Variants in LYST observed in about 807,000 individuals in gnomAD.
LYST encodes the protein lysosomal-trafficking regulator.
A neutral mutation model predicts 413.6 loss-of-function variants in LYST; 192 were observed. The ratio of observed to expected loss-of-function variants is 0.46; its 90% CI spans 0.41 to 0.52. The LOEUF is 0.52. Among genes scored for constraint, LYST ranks in the 20% least tolerant of loss-of-function variants. LYST has a pLI of 0.00. For missense variants in LYST, 3,815 were observed against 4,499.9 expected, an observed-to-expected ratio of 0.85 and a Z score of 4.35; for synonymous variants, 1,525 against 1,567.3, an observed-to-expected ratio of 0.97 and a Z score of 0.64.
chr1:235,709,181 C>T lies in LYST; in HGVS notation c.10053G>A (p.Ser3351=), dbSNP rs146872810. ...AGTCAATCCACTGACAGATGTTCTG[C>T]GACACGTAGTCAGACTCTAGAGCCT... The part of the protein sequence containing the change: ...HRQALESDYV[S]QNICQWIDLV... The change falls in exon 44 of 53, where the codon TCG becomes TCA. Residue 3351 remains serine, a synonymous_variant. Coordinates refer to ENST00000389793, the MANE Select transcript of LYST (RefSeq NM_000081.4). The T allele has an allele frequency of 4.0e-5, 65 of 1,613,982 alleles. No individual in the cohort carries two copies. The African/African-American group carries it at 7.2e-4, about 18-fold the overall frequency.
chr1:235,822,078 G>C (rs1674807300), intron 3 of LYST, among the ~76,000 whole-genome samples: 1 of 152,156 alleles, frequency 6.6e-6, no homozygotes. Flanking sequence ...AAGAAAGTTG[G>C]TTATTAAAAA....
At chr1:235,717,825 C>A (rs1409782793) in intron 40 of LYST, among the ~76,000 whole-genome samples, 1 of 151,678 alleles carries the variant, frequency 6.6e-6, no homozygotes, top group Non-Finnish European at 1.5e-5. Flanking sequence ...AAAGCAAAAA[C>A]AATTTATAGA....
At chr1:235,679,676 T>G (rs1659658028) in intron 48 of LYST, among the ~76,000 whole-genome samples, 1 of 152,082 alleles carries the variant, frequency 6.6e-6, no homozygotes, top group South Asian at 2.1e-4. Flanking sequence ...GGGGCCACCT[T>G]AACGCAAAGT....
intron 10 of LYST, among the ~76,000 whole-genome samples, chr1:235,795,314 G>A (rs1671442183): frequency 6.6e-6 from 1 of 152,170 alleles, no homozygotes; most frequent in African/African-American, 2.4e-5. Context: ...GGTGTATACA[G>A]GCTTTTAGCA....
At chr1:235,663,140 G>T in intron 52 of LYST, 62 bp from the exon 53 acceptor site, 1 of 1,153,174 alleles carries the variant, frequency 8.7e-7, no homozygotes, top group Non-Finnish European at 1.3e-6. Flanking sequence ...TTAGCATATT[G>T]GTCATCATAC....
At chr1:235,685,982 C>T (rs967436269) in intron 48 of LYST, among the ~76,000 whole-genome samples, 2 of 152,090 alleles carry the variant, frequency 1.3e-5, no homozygotes, top group Admixed American at 6.5e-5. Flanking sequence ...AAAAAATGCA[C>T]AGTGAAAATT....
In LYST at chr1:235,851,838, A is replaced by C. The variant is rs114419612; in HGVS notation, c.-98+15005T>G. Among the ~76,000 whole-genome samples the C allele has an allele frequency of 2.6e-3, 403 of 152,260 alleles. 2 individuals carry two copies. The highest frequency in any genetic ancestry group is 9.0e-3 in the African/African-American group (374 of 41,554). On this transcript the variant is annotated intron_variant, in intron 1 of 52. Coordinates refer to ENST00000389793, the MANE Select transcript of LYST (RefSeq NM_000081.4). Reference sequence around the variant, plus strand: ...AGATCAGGGAAAGATATGACACTTAAAGTTCTAAATTAAATAACTGAATAA... The same window carrying C: ...AGATCAGGGAAAGATATGACACTTACAGTTCTAAATTAAATAACTGAATAA...
At chr1:235,731,786 A>G (rs1187107628) in intron 34 of LYST, among the ~76,000 whole-genome samples, 1 of 151,904 alleles carries the variant, frequency 6.6e-6, no homozygotes, top group African/African-American at 2.4e-5. Flanking sequence ...TCAAACTCCT[A>G]GCCTCAAGTG....
At chr1:235,749,260 T>C (rs1413984460) in intron 28 of LYST, among the ~76,000 whole-genome samples, 1 of 152,156 alleles carries the variant, frequency 6.6e-6, no homozygotes, top group African/African-American at 2.4e-5. Context: ...TAAGTAATAG[T>C]GGAGAAATAA....
intron 1 of LYST, among the ~76,000 whole-genome samples, chr1:235,860,607 GC>G (rs1396560261): frequency 6.6e-6 from 1 of 152,052 alleles, no homozygotes; most frequent in Non-Finnish European, 1.5e-5. Flanking sequence ...TTTTCAGTTT[GC>G]CTTTTTTCAC....
chr1:235,689,022 A>G (rs1660438313), intron 47 of LYST, among the ~76,000 whole-genome samples: 1 of 141,574 alleles, frequency 7.1e-6, no homozygotes, highest in African/African-American at 2.7e-5. Context: ...AATAATAATA[A>G]TAATAACAAC....
At chr1:235,879,741 T>TTA (rs1681296959) in intron 1 of LYST, among the ~76,000 whole-genome samples, 1 of 34,222 alleles carries the variant, frequency 2.9e-5, no homozygotes, top group African/African-American at 1.4e-4. Flanking sequence ...TCTTTCTTTC[T>TTA]TTTTTTTTTT....
chr1:235,705,783 C>T (rs767152978), intron 44 of LYST, among the ~76,000 whole-genome samples: 1 of 151,728 alleles, frequency 6.6e-6, no homozygotes, highest in Non-Finnish European at 1.5e-5. Context: ...GTTAAGATTC[C>T]TAATTGCTCT....
rs1221013258 is a variant in LYST, at chr1:235,806,744, T to C, written c.2392A>G (p.Asn798Asp). 2 of 1,612,568 alleles carry C rather than the reference T, an allele frequency of 1.2e-6. No individual in the cohort carries two copies. The highest frequency in any genetic ancestry group is 1.3e-5 in the African/African-American group (1 of 74,846). ...RVIRDLFLSC[N>D]GVSQIIELNC... ...AATTCGATTATTTGACTTACTCCAT[T>C]ACAACTCAAAAACAAATCTCTTATT... Residue 798 changes from asparagine (N) to aspartate (D), a missense_variant, in exon 6 of 53, where the codon AAT becomes GAT. This residue lies in a region of LYST where 1,648 missense variants were observed against 1,810.3 expected (regional missense o/e 0.91). Transcript: ENST00000389793.
At chr1:235,841,376 A>C (rs1374123712) in intron 1 of LYST, among the ~76,000 whole-genome samples, 1 of 152,144 alleles carries the variant, frequency 6.6e-6, no homozygotes, top group Non-Finnish European at 1.5e-5. Flanking sequence ...TTTAGGCTAT[A>C]AGAAATAAGA....
chr1:235,809,578 A>G lies in LYST; in HGVS notation c.1240T>C (p.Cys414Arg), dbSNP rs200557017. The G allele has an allele frequency of 9.3e-6, 15 of 1,614,128 alleles. No homozygotes were observed. In the East Asian group the frequency reaches 3.3e-4, roughly 36 times the overall value. The change falls in exon 5 of 53, where the codon TGT becomes CGT. Residue 414 changes from cysteine (C) to arginine (R), a missense_variant. Cys to Arg is a radical substitution (Grantham distance 180, BLOSUM62 -3). This residue lies in a region of LYST where 1,648 missense variants were observed against 1,810.3 expected (regional missense o/e 0.91). Transcript: ENST00000389793. The surrounding 1 kb of genome is among the most constrained non-coding windows in gnomAD (Gnocchi z 4.0). ...TTTGAAGCTGCACTTTGAAGACAAC[A>G]GATCAGAATCTGAAGAACTCCTTCC... The part of the protein sequence containing the change: ...LLEGVLQILI[C>R]CLQSAASNPF...
At chr1:235,750,484 G>A (rs2103302195) in intron 28 of LYST, among the ~76,000 whole-genome samples, 1 of 152,230 alleles carries the variant, frequency 6.6e-6, no homozygotes, top group South Asian at 2.1e-4. Context: ...ATTTAAGACA[G>A]TAAGAGTGAT....
In LYST at chr1:235,737,933, C is replaced by T. The variant is rs1375491969; in HGVS notation, c.8359-3274G>A. Reference sequence around the variant, plus strand: ...TGCCGACGAGTCTGGATCTCACTGCCGCGTGCCCCAACACCCGCCGGACGT... The same window carrying T: ...TGCCGACGAGTCTGGATCTCACTGCTGCGTGCCCCAACACCCGCCGGACGT... On this transcript the variant is annotated intron_variant, in intron 31 of 52. Transcript: ENST00000389793. 20 of 1,231,872 alleles carry T rather than the reference C, an allele frequency of 1.6e-5. No individual in the cohort carries two copies. In the Admixed American group the frequency reaches 1.9e-4, roughly 11 times the overall value. The allele number at this position is 1,231,872 out of a possible 1,614,324, so 76.3% of individuals were successfully genotyped here.
At chr1:235,741,282 C>T (rs1163100283) in intron 31 of LYST, 140 bp downstream of exon 31, 8 of 766,390 alleles carry the variant, frequency 1.0e-5, no homozygotes, top group Admixed American at 4.1e-5. Flanking sequence ...CTGAGAAAGA[C>T]CTTAGGTTAA....
Sources: gnomAD v4.1 joint callset for allele counts (sites outside exome capture counted in the v4.1 genomes callset) on GRCh38, gnomAD v4.1.1 for gene constraint, gnomAD v4.1.1 regional missense constraint, Gnocchi (gnomAD v3.1) non-coding constraint, MANE v1.5 for transcripts, NCBI Gene and HGNC (gene_info 2026-07-23, HGNC 2026-07-21) for gene names.